RFX3: variants seen among roughly 807,000 people sequenced by gnomAD.
RFX3 encodes the protein regulatory factor X3.
RFX3 carries 14 observed loss-of-function variants against 98.6 expected under a neutral mutation model. The ratio of observed to expected loss-of-function variants is 0.14; its 90% CI spans 0.09 to 0.22. RFX3 has a LOEUF of 0.22. RFX3 is among the 10% of genes least tolerant of loss of function. The probability of loss-of-function intolerance (pLI) is 1.00; values close to 1 mark genes in which losing one functional copy is unlikely to be tolerated. For missense variants in RFX3, 639 were observed against 926.9 expected, an observed-to-expected ratio of 0.69 and a Z score of 4.03; for synonymous variants, 383 against 328.4, an observed-to-expected ratio of 1.17 and a Z score of -1.80.
At chr9:3,413,197 A>G (rs933005566) in intron 1 of RFX3, among the ~76,000 whole-genome samples, 15 of 152,052 alleles carry the variant, frequency 9.9e-5, no homozygotes, top group Non-Finnish European at 2.1e-4. Flanking sequence ...TTTCCCAAAT[A>G]GAAACATCAG....
chr9:3,339,342 T>A (rs1374675112), intron 3 of RFX3, among the ~76,000 whole-genome samples: 1 of 152,154 alleles, frequency 6.6e-6, no homozygotes, highest in Non-Finnish European at 1.5e-5. Context: ...AGAAATGGCA[T>A]TATAAAAGAT....
intron 1 of RFX3, among the ~76,000 whole-genome samples, chr9:3,491,848 A>G (rs1587849042): frequency 6.6e-6 from 1 of 152,304 alleles, no homozygotes; most frequent in East Asian, 1.9e-4. Context: ...TATTCATTTA[A>G]GAAAGACTAG....
intron 1 of RFX3, among the ~76,000 whole-genome samples, chr9:3,409,542 A>G (rs1842279903): frequency 6.6e-6 from 1 of 152,240 alleles, no homozygotes; most frequent in South Asian, 2.1e-4. Flanking sequence ...ATGCAGCATC[A>G]TTTGTGATAA....
At chr9:3,493,372 C>T (rs1413289723) in intron 1 of RFX3, among the ~76,000 whole-genome samples, 1 of 151,988 alleles carries the variant, frequency 6.6e-6, no homozygotes, top group Non-Finnish European at 1.5e-5. Flanking sequence ...TTCATCTAAA[C>T]ACGTGATCCA....
chr9:3,241,155 A>C (rs1819861785), intron 15 of RFX3, among the ~76,000 whole-genome samples: 1 of 151,626 alleles, frequency 6.6e-6, no homozygotes, highest in Non-Finnish European at 1.5e-5. Context: ...ACTTCATAGT[A>C]TTTCTCTGAA....
rs1436103900 is a variant in RFX3, at chr9:3,223,100, T to A, written c.*1942A>T. 1.3e-5 allele frequency: 2 copies of A among 151,768 alleles called. No homozygotes were observed. Among genetic ancestry groups the A allele is most frequent in the Admixed American group, 1.3e-4 (2 of 15,206 alleles). The allele number at this position is 151,768 out of a possible 1,614,324, so 9.4% of individuals were successfully genotyped here. On this transcript the variant is annotated 3_prime_UTR_variant, in exon 17 of 17. Coordinates refer to ENST00000617270, the MANE Select transcript of RFX3 (RefSeq NM_001282116.2). ...CCTTACCCCAATACCACTGGAAAGA[T>A]AAACATCTTGGGTTTAATATAGGCC...
rs577711381 is a variant in RFX3, at chr9:3,414,631, T to C, written c.-8-19035A>G. ...TAGTATCTACTGCAATATACGAGTG[T>C]ATATATATATGAGTATATATATGTA... is the stretch of plus-strand genomic sequence containing the variant. On this transcript the variant is annotated intron_variant, in intron 1 of 16. Coordinates refer to ENST00000617270, the MANE Select transcript of RFX3 (RefSeq NM_001282116.2). Among the ~76,000 whole-genome samples the C allele has an allele frequency of 1.3e-3, 160 of 122,416 alleles. 2 individuals carry two copies. Among genetic ancestry groups the C allele is most frequent in the Middle Eastern group, 0.013 (3 of 234 alleles). 80.3% of individuals were successfully genotyped at this position (122,416 alleles called of 152,430 possible). A position where few individuals can be genotyped will look rare whatever the true frequency, so the allele number is the denominator to read the frequency against.
At chr9:3,471,360 G>A (rs189457623) in intron 1 of RFX3, among the ~76,000 whole-genome samples, 4 of 152,254 alleles carry the variant, frequency 2.6e-5, no homozygotes, top group Admixed American at 2.6e-4. Context: ...TAAATCACTT[G>A]CTCAAGGATC....
At chr9:3,409,891 G>A (rs1009277577) in intron 1 of RFX3, among the ~76,000 whole-genome samples, 1 of 151,960 alleles carries the variant, frequency 6.6e-6, no homozygotes, top group South Asian at 2.1e-4. Flanking sequence ...ATTAGTATAA[G>A]ATCTAGTATT....
chr9:3,250,053 A>G (rs1258750965), intron 14 of RFX3, among the ~76,000 whole-genome samples: 1 of 152,038 alleles, frequency 6.6e-6, no homozygotes, highest in African/African-American at 2.4e-5. Context: ...CATATCACCA[A>G]TTTGTAAAAA....
rs368876880 is a variant in RFX3, at chr9:3,234,108, T to G, written c.1969-5219A>C. On this transcript the variant is annotated intron_variant, in intron 15 of 16. Coordinates refer to ENST00000617270, the MANE Select transcript of RFX3 (RefSeq NM_001282116.2). The stretch of plus-strand genomic sequence containing the variant: ...TTTATATGTCCAAGTCTAATATCAC[T>G]ATGTTAACTATCACCCAGGAAACAA... Among the ~76,000 whole-genome samples, 239 of 152,278 alleles carry G rather than the reference T, an allele frequency of 1.6e-3. 2 individuals are homozygous for G. The highest frequency in any genetic ancestry group is 5.7e-3 in the African/African-American group (236 of 41,550).
intron 2 of RFX3, among the ~76,000 whole-genome samples, chr9:3,387,585 C>G (rs1317018342): frequency 6.6e-6 from 1 of 151,776 alleles, no homozygotes; most frequent in Non-Finnish European, 1.5e-5. Flanking sequence ...TTTTGCAGTT[C>G]TGGTTCTAAA....
At chr9:3,358,614 T>C (rs974907181) in intron 2 of RFX3, among the ~76,000 whole-genome samples, 2 of 152,134 alleles carry the variant, frequency 1.3e-5, no homozygotes, top group East Asian at 1.9e-4. Context: ...CCAAATTAAA[T>C]AGTGAAAATA....
In RFX3 at chr9:3,387,518, A is replaced by T. The variant is rs528543393; in HGVS notation, c.117+7954T>A. Among the ~76,000 whole-genome samples the T allele has an allele frequency of 3.3e-5, 5 of 152,304 alleles. No individual in the cohort carries two copies. The East Asian group carries it at 9.6e-4, about 29-fold the overall frequency. ...GATTGGCACAGCAAGACTTATTTCCATTGTAAATCAGCATGGTCCTCCAAA... is the reference window on the plus strand; with the variant it reads ...GATTGGCACAGCAAGACTTATTTCCTTTGTAAATCAGCATGGTCCTCCAAA... On this transcript the variant is annotated intron_variant, in intron 2 of 16. Coordinates refer to ENST00000617270, the MANE Select transcript of RFX3 (RefSeq NM_001282116.2).
chr9:3,321,986 G>C lies in RFX3; in HGVS notation c.474+8273C>G, dbSNP rs117664238. 6.6e-3 allele frequency among the ~76,000 whole-genome samples: 1,001 copies of C among 151,866 alleles called. 7 individuals are homozygous for C. The highest frequency in any genetic ancestry group is 0.014 in the Middle Eastern group (4 of 294). On this transcript the variant is annotated intron_variant, in intron 4 of 16. Transcript: ENST00000617270. ...TTGGTCTCTAGTCTTTCATTTACTA[G>C]TCTATTCATGTGCTTAGATAATTGT...
At chr9:3,241,172 T>C (rs978067625) in intron 15 of RFX3, among the ~76,000 whole-genome samples, 1 of 152,120 alleles carries the variant, frequency 6.6e-6, no homozygotes, top group African/African-American at 2.4e-5. Context: ...TGAAATAGTA[T>C]TGACAGGCAC....
At chr9:3,351,058 A>G (rs919158094) in intron 2 of RFX3, among the ~76,000 whole-genome samples, 2 of 151,232 alleles carry the variant, frequency 1.3e-5, no homozygotes, top group Non-Finnish European at 3.0e-5. Flanking sequence ...AGAATGCACA[A>G]CACCGAGAAT....
At chr9:3,321,037 A>C (rs1587049432) in intron 4 of RFX3, among the ~76,000 whole-genome samples, 1 of 151,530 alleles carries the variant, frequency 6.6e-6, no homozygotes, top group Non-Finnish European at 1.5e-5. Flanking sequence ...CAAGTAGCTG[A>C]GATTACAGGC....
intron 1 of RFX3, among the ~76,000 whole-genome samples, chr9:3,470,124 T>G (rs1034965765): frequency 5.3e-5 from 8 of 152,100 alleles, no homozygotes; most frequent in African/African-American, 1.2e-4. Context: ...GGTTTAAGTA[T>G]AGACACAGAC....
Sources: allele counts gnomAD v4.1 joint callset (sites outside exome capture counted in the v4.1 genomes callset), GRCh38; gene constraint gnomAD v4.1.1; transcripts MANE v1.5; gene names NCBI Gene and HGNC (gene_info 2026-07-23, HGNC 2026-07-21).